C3AR1: variants seen among roughly 807,000 people sequenced by gnomAD.
C3AR1 encodes the protein complement C3a receptor 1.
For synonymous variants in C3AR1, 208 were observed against 225.3 expected (o/e 0.92, Z 0.69); for missense variants, 579 against 583.5 (o/e 0.99, Z 0.08).
At chr12:8,065,525 G>A (rs1418405842) in intron 1 of C3AR1, among the ~76,000 whole-genome samples, 3 of 151,812 alleles carry the variant, frequency 2.0e-5, no homozygotes, top group East Asian at 3.9e-4. Context: ...GTGGTAGCAC[G>A]TGCCTGCAAT....
Position 8,059,270 on chromosome 12 carries a change from A to C in C3AR1, c.916T>G (p.Tyr306Asp), listed in dbSNP as rs763970031. The C allele has an allele frequency of 2.4e-4, 387 of 1,614,204 alleles. 1 individual carries two copies. Among genetic ancestry groups the C allele is most frequent in the South Asian group, 2.3e-3 (209 of 91,086 alleles). ...AAACCTTGTGGTAGCTCAGACTCGT[A>C]GAAGGAATTGCTAGAAGCGCTAGGG... The part of the protein sequence containing the change: ...LFPSASSNSF[Y>D]ESELPQGFQD... Residue 306 changes from tyrosine (Y) to aspartate (D), a missense_variant, in exon 2 of 2, where the codon TAC becomes GAC. Coordinates refer to ENST00000307637, the MANE Select transcript of C3AR1 (RefSeq NM_004054.4).
rs772413134 is a variant in C3AR1, at chr12:8,059,298, C to T, written c.888G>A (p.Leu296=). The T allele has an allele frequency of 6.2e-7, 1 of 1,614,056 alleles. No homozygotes were observed. Among genetic ancestry groups the T allele is most frequent in the Non-Finnish European group, 8.5e-7 (1 of 1,180,030 alleles). The stretch of plus-strand genomic sequence containing the variant: ...AGGAATTGCTAGAAGCGCTAGGGAA[C>T]AGCTTTAAATGAGTAGAGAGAAAAG... ...SDAFLSTHLK[L]FPSASSNSFY... is the part of the protein sequence containing the mutation. The change falls in exon 2 of 2, where the codon CTG becomes CTA. Residue 296 remains leucine, a synonymous_variant. Transcript: ENST00000307637.
chr12:8,060,382 A>ATATT (rs962080695), intron 1 of C3AR1, among the ~76,000 whole-genome samples, 187 bp from the exon 2 acceptor site: 1 of 152,000 alleles, frequency 6.6e-6, no homozygotes, highest in African/African-American at 2.4e-5. Context: ...ATAGACAATT[A>ATATT]TATTTATTTA....
Position 8,059,550 on chromosome 12 carries a change from A to G in C3AR1, c.636T>C (p.Asp212=). 2 of 1,614,174 alleles carry G rather than the reference A, an allele frequency of 1.2e-6. No individual in the cohort carries two copies. The highest frequency in any genetic ancestry group is 1.7e-6 in the Non-Finnish European group (2 of 1,180,030). Residue 212 remains aspartate, a synonymous_variant, in exon 2 of 2, where the codon GAT becomes GAC. Transcript: ENST00000307637. The part of the protein sequence containing the change: ...QPPGEMNDRL[D]PSSFQTNDHP... ...GATCATTTGTTTGGAAAGAGGAAGG[A>G]TCTAACCTATCATTCATTTCTCCAG...
chr12:8,059,462 G>T lies in C3AR1; in HGVS notation c.724C>A (p.Leu242Ile), dbSNP rs1947243025. The change falls in exon 2 of 2, where the codon CTC becomes ATC. Residue 242 changes from leucine to isoleucine, a missense_variant. By Grantham distance (5) the Leu-to-Ile change is conservative. Transcript: ENST00000307637. ...GTTAACCTAGCAGAACCCCTAGGGA[G>T]TGAATCTGCAGAAGGTCTTTGAAAT... Reference protein sequence around the residue: ...QTFQRPSADSLPRGSARLTSQ... With the variant: ...QTFQRPSADSIPRGSARLTSQ... 2 of 1,614,132 alleles carry T rather than the reference G, an allele frequency of 1.2e-6. No homozygotes were observed. The highest frequency in any genetic ancestry group is 1.7e-6 in the Non-Finnish European group (2 of 1,179,996).
chr12:8,060,470 C>G (rs1469918767), intron 1 of C3AR1, among the ~76,000 whole-genome samples: 1 of 152,230 alleles, frequency 6.6e-6, no homozygotes, highest in Non-Finnish European at 1.5e-5. Context: ...TTTCAGCTCA[C>G]TGTAAGCTCC....
In C3AR1 at chr12:8,066,311, A is replaced by G. The variant is rs938844430; in HGVS notation, c.-44T>C. 3.3e-5 allele frequency: 5 copies of G among 152,224 alleles called. No homozygotes were observed. The highest frequency in any genetic ancestry group is 1.3e-4 in the Admixed American group (2 of 15,276). The allele number at this position is 152,224 out of a possible 1,614,324, so 9.4% of individuals were successfully genotyped here. ...TGAGACAGTAGCTGAAGGCTTCAGC[A>G]CCTGGATGTCTCCACGAGTCCTGTC... On this transcript the variant is annotated 5_prime_UTR_variant, in exon 1 of 2. Transcript: ENST00000307637.
At chr12:8,064,472 C>T (rs746686146) in intron 1 of C3AR1, among the ~76,000 whole-genome samples, 11 of 152,260 alleles carry the variant, frequency 7.2e-5, no homozygotes, top group South Asian at 2.1e-4. Context: ...GCAGGCAGAT[C>T]ACCTGAGGTC....
At chr12:8,063,174 T>TCTTGATTTC (rs1310019358) in intron 1 of C3AR1, among the ~76,000 whole-genome samples, 1 of 151,272 alleles carries the variant, frequency 6.6e-6, no homozygotes, top group African/African-American at 2.4e-5. Context: ...GCCAGGATGA[T>TCTTGATTTC]CTTGATTTCC....
rs1040919586 is a variant in C3AR1 at position 8,059,201 on chromosome 12, C to T, written c.985G>A (p.Val329Met). ...NLGQFTDDDQ[V>M]PTPLVAITIT... is the part of the protein sequence containing the mutation. ...GTTATTGCCACGAGGGGTGTTGGCA[C>T]TTGATCGTCATCTGTGAATTGGCCT... Residue 329 changes from valine to methionine, a missense_variant, in exon 2 of 2, where the codon GTG (valine) becomes ATG (methionine). Physicochemically the swap from Val to Met is conservative, Grantham distance 21 (BLOSUM62 1). Coordinates refer to ENST00000307637, the MANE Select transcript of C3AR1 (RefSeq NM_004054.4). The T allele has an allele frequency of 4.3e-6, 7 of 1,614,214 alleles. No homozygotes were observed. Among genetic ancestry groups the T allele is most frequent in the Middle Eastern group, 1.6e-4 (1 of 6,062 alleles).
chr12:8,058,588 A>C lies in C3AR1; in HGVS notation c.*149T>G. The C allele has an allele frequency of 1.2e-6, 1 of 821,418 alleles. No individual in the cohort carries two copies. Among genetic ancestry groups the C allele is most frequent in the Non-Finnish European group, 1.9e-6 (1 of 524,136 alleles). 50.9% of individuals were successfully genotyped at this position (821,418 alleles called of 1,614,324 possible). On this transcript the variant is annotated 3_prime_UTR_variant, in exon 2 of 2. Coordinates refer to ENST00000307637, the MANE Select transcript of C3AR1 (RefSeq NM_004054.4). ...TCTAACAAGTTTCTAGGTGATGCTG[A>C]TGTCAATAGTCTGTGTACCGTTTGA... is the stretch of plus-strand genomic sequence containing the variant.
At chr12:8,065,737 A>G (rs1178091867) in intron 1 of C3AR1, among the ~76,000 whole-genome samples, 1 of 151,864 alleles carries the variant, frequency 6.6e-6, no homozygotes, top group Non-Finnish European at 1.5e-5. Flanking sequence ...AAAATACCAT[A>G]CCTTTATGTG....
intron 1 of C3AR1, among the ~76,000 whole-genome samples, chr12:8,062,438 T>A (rs933257862): frequency 8.5e-5 from 13 of 152,142 alleles, no homozygotes; most frequent in African/African-American, 3.1e-4. Context: ...GTGCTGAGAT[T>A]ACAGGCACGA....
intron 1 of C3AR1, among the ~76,000 whole-genome samples, chr12:8,063,521 G>A (rs1417302089): frequency 6.6e-6 from 1 of 152,056 alleles, no homozygotes; most frequent in Non-Finnish European, 1.5e-5. Context: ...TCCGTTCCAT[G>A]GCTAATGCTG....
intron 1 of C3AR1, among the ~76,000 whole-genome samples, chr12:8,065,072 C>G (rs981162174): frequency 2.0e-5 from 3 of 148,224 alleles, no homozygotes; most frequent in Non-Finnish European, 4.4e-5. Flanking sequence ...AATTAGATTA[C>G]AAGCATATAA....
At chr12:8,063,177 T>C (rs375766628) in intron 1 of C3AR1, among the ~76,000 whole-genome samples, 25 of 149,032 alleles carry the variant, frequency 1.7e-4, no homozygotes, top group African/African-American at 6.2e-4. Flanking sequence ...AGGATGATCT[T>C]GATTTCCTGA....
rs1565635147 is a variant in C3AR1, at chr12:8,059,125, G to A, written c.1061C>T (p.Ala354Val). Reference protein sequence around the residue: ...GFLLPSVIMIACYSFIVFRMQ... With the variant: ...GFLLPSVIMIVCYSFIVFRMQ... ...TCGGAAGACAATGAAGCTGTAACAG[G>A]CTATCATGATAACAGAGGGCAGCAG... Residue 354 changes from alanine (A) to valine (V), a missense_variant, in exon 2 of 2, where the codon GCC becomes GTC. Transcript: ENST00000307637. 3.1e-6 allele frequency: 5 copies of A among 1,614,184 alleles called. No homozygotes were observed. Among genetic ancestry groups the A allele is most frequent in the Non-Finnish European group, 4.2e-6 (5 of 1,180,034 alleles).
In C3AR1 at chr12:8,058,677, CTT is replaced by C. The variant is rs1947221958; in HGVS notation, c.*58_*59del. 5.2e-6 allele frequency: 8 copies of C among 1,531,636 alleles called. No homozygotes were observed. In the African/African-American group the frequency reaches 5.5e-5, roughly 11 times the overall value. 94.9% of individuals were successfully genotyped at this position (1,531,636 alleles called of 1,614,324 possible). ...GCTGCTCACCATATCACTTCATCCT[CTT>C]ATAAACTTTCACTATGTGATTGCCT... On this transcript the variant is annotated 3_prime_UTR_variant, in exon 2 of 2. Coordinates refer to ENST00000307637, the MANE Select transcript of C3AR1 (RefSeq NM_004054.4).
At chr12:8,064,872 G>A (rs755376994) in intron 1 of C3AR1, among the ~76,000 whole-genome samples, 9 of 151,490 alleles carry the variant, frequency 5.9e-5, no homozygotes, top group Non-Finnish European at 1.3e-4. Context: ...TGTTGTTGTT[G>A]TTGTTTGTTT....
Sources: allele counts gnomAD v4.1 joint callset (sites outside exome capture counted in the v4.1 genomes callset), GRCh38; gene constraint gnomAD v4.1.1; transcripts MANE v1.5; gene names NCBI Gene and HGNC (gene_info 2026-07-23, HGNC 2026-07-21).